The following FAR2 variants were observed in gnomAD, a reference collection of about 807,000 sequenced individuals.
FAR2 encodes the protein epididymis secretory protein Li 81.
Under a neutral mutation model 56.0 loss-of-function variants are expected in FAR2, and 19 were observed. The ratio of observed to expected loss-of-function variants is 0.34; its 90% confidence interval spans 0.24 to 0.50. The LOEUF (loss-of-function observed/expected upper bound fraction) is 0.50. Ranked by LOEUF, FAR2 falls within the 20% of genes least tolerant of loss-of-function variation. The probability of loss-of-function intolerance (pLI) is 0.98; values close to 1 mark genes in which losing one functional copy is unlikely to be tolerated. For synonymous variants in FAR2, 219 were observed against 218.8 expected, an observed-to-expected ratio of 1.00 and a Z score of -0.01; for missense variants, 508 against 642.2, an observed-to-expected ratio of 0.79 and a Z score of 2.26.
chr12:29,209,731 A>G lies in FAR2; in HGVS notation c.-39+60324A>G, dbSNP rs113918585. Among the ~76,000 whole-genome samples the G allele has an allele frequency of 3.6e-3, 515 of 144,200 alleles. 1 individual carries two copies. The highest frequency in any genetic ancestry group is 0.012 in the African/African-American group (491 of 39,878). 94.6% of individuals were successfully genotyped at this position (144,200 alleles called of 152,430 possible). ...GTGTGTGTGTGTGTCTGTGTGTGTA[A>G]AAGAAAGAATAAAAGAATGCGTAAA... On this transcript the variant is annotated intron_variant, in intron 1 of 11. Transcript: ENST00000536681.
intron 1 of FAR2, among the ~76,000 whole-genome samples, chr12:29,186,758 ATTT>A (rs1950046256): frequency 3.8e-4 from 7 of 18,426 alleles, no homozygotes; most frequent in African/African-American, 8.9e-4. Context: ...TTTATTTATT[ATTT>A]ATTTATTTAT....
At chr12:29,277,445 T>C (rs1948718794) in intron 2 of FAR2, 3 of 152,178 alleles carry the variant, frequency 2.0e-5, no homozygotes, top group South Asian at 2.1e-4. Flanking sequence ...CAGGCACTTA[T>C]TGCTTTGTGC....
intron 1 of FAR2, chr12:29,157,074 T>C (rs1209897003): frequency 7.2e-6 from 1 of 138,080 alleles, no homozygotes; most frequent in Non-Finnish European, 1.5e-5. Context: ...TTTCCCACTT[T>C]AATCAACACC....
intron 1 of FAR2, among the ~76,000 whole-genome samples, chr12:29,259,214 C>G (rs142613585): frequency 6.6e-6 from 1 of 152,282 alleles, no homozygotes. Context: ...TTGGTCATCA[C>G]GCCTGGCAGA....
At chr12:29,305,435 G>A (rs1232196484) in intron 4 of FAR2, among the ~76,000 whole-genome samples, 1 of 152,116 alleles carries the variant, frequency 6.6e-6, no homozygotes, top group Non-Finnish European at 1.5e-5. Flanking sequence ...ACCGCACTTG[G>A]CCAGAAATGA....
chr12:29,257,923 A>G (rs996081225), intron 1 of FAR2, among the ~76,000 whole-genome samples: 2 of 152,186 alleles, frequency 1.3e-5, no homozygotes, highest in Non-Finnish European at 2.9e-5. Context: ...CACCCTACCT[A>G]AATTGCCTTT....
intron 1 of FAR2, among the ~76,000 whole-genome samples, chr12:29,190,770 A>G (rs1950096988): frequency 7.4e-6 from 1 of 135,656 alleles, no homozygotes; most frequent in Non-Finnish European, 1.7e-5. Flanking sequence ...GCCAAAATTC[A>G]CGGTGGTTTT....
chr12:29,310,944 T>C (rs1365227544), intron 6 of FAR2, 84 bp from the exon 7 acceptor site: 1 of 989,618 alleles, frequency 1.0e-6, no homozygotes. Context: ...ATTGCACTAG[T>C]ATAACCAGTT....
chr12:29,208,107 G>A (rs1947497778), intron 1 of FAR2, among the ~76,000 whole-genome samples: 1 of 152,250 alleles, frequency 6.6e-6, no homozygotes. Context: ...ATTAAAAGAA[G>A]TGTGTTGCTT....
At chr12:29,231,065 T>A (rs1389031073) in intron 1 of FAR2, among the ~76,000 whole-genome samples, 1 of 152,136 alleles carries the variant, frequency 6.6e-6, no homozygotes, top group Non-Finnish European at 1.5e-5. Context: ...TCAGCCCTCA[T>A]CCTAAAAGCA....
At chr12:29,272,463 G>A (rs907208382) in intron 2 of FAR2, among the ~76,000 whole-genome samples, 4 of 152,142 alleles carry the variant, frequency 2.6e-5, no homozygotes, top group Non-Finnish European at 5.9e-5. Flanking sequence ...TTGTTGTGCT[G>A]TGTTTTTCAG....
intron 1 of FAR2, among the ~76,000 whole-genome samples, chr12:29,222,333 C>T (rs952948942): frequency 5.3e-5 from 8 of 152,126 alleles, no homozygotes; most frequent in Non-Finnish European, 1.2e-4. Context: ...AGAAATTATT[C>T]AAACACATTT....
chr12:29,184,811 C>T lies in FAR2; in HGVS notation c.-39+35404C>T, dbSNP rs575823600. Among the ~76,000 whole-genome samples, 125 of 152,220 alleles carry T rather than the reference C, an allele frequency of 8.2e-4. 1 individual carries two copies. The highest frequency in any genetic ancestry group is 2.8e-3 in the African/African-American group (118 of 41,542). ...GCATATTCTGGTGTCTCACCCCAAC[C>T]CTCAAAATTTGTGAGGCTTAGTTAA... On this transcript the variant is annotated intron_variant, in intron 1 of 11. Transcript: ENST00000536681.
chr12:29,261,288 T>C (rs1283073301), intron 1 of FAR2, among the ~76,000 whole-genome samples: 1 of 152,136 alleles, frequency 6.6e-6, no homozygotes, highest in Non-Finnish European at 1.5e-5. Flanking sequence ...GTAGTTGACA[T>C]ACTGAAGAAT....
intron 2 of FAR2, among the ~76,000 whole-genome samples, chr12:29,281,786 T>A (rs7139305): frequency 0.14 from 20,247 of 149,834 alleles, 2,664 homozygotes; most frequent in African/African-American, 0.35. Context: ...GTTCATTCAA[T>A]AAGTGTTGGC....
intron 10 of FAR2, among the ~76,000 whole-genome samples, chr12:29,327,472 C>T (rs1949667864): frequency 6.6e-6 from 1 of 152,182 alleles, no homozygotes; most frequent in Non-Finnish European, 1.5e-5. Flanking sequence ...AAGAACAAAA[C>T]TGGAGGCATC....
At position 29,186,583 on chromosome 12, in the gene FAR2, T is replaced by G. The variant is rs562300045; in HGVS notation, c.-39+37176T>G. On this transcript the variant is annotated intron_variant, in intron 1 of 11. Coordinates refer to ENST00000536681, the MANE Select transcript of FAR2 (RefSeq NM_001271783.2). ...GAGTCACTTGAGTATTTTTTTTAGG[T>G]CTGAAGCTAAATGGCCCATTTGATA... Among the ~76,000 whole-genome samples, 10 of 152,298 alleles carry G rather than the reference T, an allele frequency of 6.6e-5. 1 individual carries two copies. The highest frequency in any genetic ancestry group is 2.6e-4 in the Admixed American group (4 of 15,306).
intron 1 of FAR2, among the ~76,000 whole-genome samples, chr12:29,264,698 A>T (rs1447674716): frequency 6.6e-6 from 1 of 151,846 alleles, no homozygotes; most frequent in African/African-American, 2.4e-5. Flanking sequence ...AGGGAGAAAG[A>T]GAGAAAAGGC....
At chr12:29,293,225 C>A in intron 2 of FAR2, 75 bp from the exon 3 acceptor site, 2 of 1,206,384 alleles carry the variant, frequency 1.7e-6, no homozygotes, top group Non-Finnish European at 2.2e-6. Flanking sequence ...TATAATTAAG[C>A]AGGTTGTTAT....
Sources: allele counts gnomAD v4.1 joint callset (sites outside exome capture counted in the v4.1 genomes callset), GRCh38; gene constraint gnomAD v4.1.1; transcripts MANE v1.5; gene names NCBI Gene and HGNC (gene_info 2026-07-23, HGNC 2026-07-21).